TAFA1: variants seen among roughly 807,000 people sequenced by gnomAD.
The protein encoded by TAFA1 is TAFA chemokine like family member 1.
TAFA1 carries 4 observed loss-of-function variants against 18.5 expected under a neutral mutation model. The observed-to-expected ratio is 0.22, with a 90% CI of 0.11 to 0.49. The LOEUF is 0.49. Among genes scored for constraint, TAFA1 ranks in the 20% least tolerant of loss-of-function variants. The pLI is 0.98. For missense variants in TAFA1, 147 were observed against 169.0 expected (o/e 0.87, Z 0.72); for synonymous variants, 56 against 55.2 (o/e 1.01, Z -0.06).
chr3:68,236,028 C>G (rs959059413), intron 2 of TAFA1, among the ~76,000 whole-genome samples: 1 of 152,100 alleles, frequency 6.6e-6, no homozygotes, highest in African/African-American at 2.4e-5. Flanking sequence ...GCATCTGCAA[C>G]TGGAAGTCGC....
At chr3:68,194,595 A>G (rs1575672482) in intron 2 of TAFA1, among the ~76,000 whole-genome samples, 1 of 151,800 alleles carries the variant, frequency 6.6e-6, no homozygotes, top group African/African-American at 2.4e-5. Context: ...CAGGGAGTAC[A>G]TAATATCTAT....
intron 2 of TAFA1, among the ~76,000 whole-genome samples, chr3:68,337,205 C>T (rs1254849588): frequency 1.3e-5 from 2 of 152,164 alleles, no homozygotes; most frequent in Non-Finnish European, 1.5e-5. Flanking sequence ...GGAAACATGG[C>T]TGGGGTGCCC....
intron 2 of TAFA1, among the ~76,000 whole-genome samples, chr3:68,120,175 TTC>T (rs372776718): frequency 0.036 from 599 of 16,866 alleles, 2 homozygotes; most frequent in Non-Finnish European, 0.065. Context: ...TTCTTTCTCT[TTC>T]TTTCTTTCTT....
rs868757945 is a variant in TAFA1 at position 68,470,816 on chromosome 3, G to C, written c.259+53396G>C. On this transcript the variant is annotated intron_variant, in intron 3 of 4. Transcript: ENST00000478136. ...AATAGAAAAGCCCACTTTCTGAGGA[G>C]AAATTCAAGATGGCTGTGGAAATTT... is the stretch of plus-strand genomic sequence containing the variant. 5.3e-5 allele frequency among the ~76,000 whole-genome samples: 8 copies of C among 152,324 alleles called. No homozygotes were observed. The South Asian group carries it at 1.7e-3, about 32-fold the overall frequency.
chr3:68,225,335 T>A (rs1282517826), intron 2 of TAFA1, among the ~76,000 whole-genome samples: 1 of 152,194 alleles, frequency 6.6e-6, no homozygotes, highest in Admixed American at 6.5e-5. Context: ...TAATCGGAAC[T>A]TGTGCCCATT....
chr3:68,183,104 G>C (rs1047408888), intron 2 of TAFA1, among the ~76,000 whole-genome samples: 3 of 152,130 alleles, frequency 2.0e-5, no homozygotes, highest in Non-Finnish European at 2.9e-5. Flanking sequence ...TCAATCAATA[G>C]TATACCTGCC....
chr3:68,310,220 C>T (rs1372364736), intron 2 of TAFA1, among the ~76,000 whole-genome samples: 2 of 152,002 alleles, frequency 1.3e-5, no homozygotes, highest in East Asian at 3.9e-4. Context: ...TACCAATAAC[C>T]AAACCATAGA....
At chr3:68,455,922 A>T (rs1176775747) in intron 3 of TAFA1, among the ~76,000 whole-genome samples, 1 of 152,110 alleles carries the variant, frequency 6.6e-6, no homozygotes, top group Non-Finnish European at 1.5e-5. Flanking sequence ...ACGCTTAAGG[A>T]GCCTTTTAAA....
chr3:68,480,993 T>C (rs1222419936), intron 3 of TAFA1, among the ~76,000 whole-genome samples: 1 of 152,114 alleles, frequency 6.6e-6, no homozygotes, highest in East Asian at 1.9e-4. Flanking sequence ...TCATGTAAGA[T>C]GTGACTTGCT....
At chr3:68,008,524 A>G (rs140918316) in intron 2 of TAFA1, among the ~76,000 whole-genome samples, 8 of 152,238 alleles carry the variant, frequency 5.3e-5, no homozygotes, top group South Asian at 2.1e-4. Flanking sequence ...CGCCCAGGAA[A>G]CAGAAGCTCT....
intron 2 of TAFA1, among the ~76,000 whole-genome samples, chr3:68,042,764 T>C (rs1705192695): frequency 1.3e-5 from 2 of 152,234 alleles, no homozygotes; most frequent in South Asian, 4.1e-4. Flanking sequence ...ATGGTAGTAT[T>C]TTTGCTACTG....
intron 2 of TAFA1, among the ~76,000 whole-genome samples, chr3:68,113,897 G>GTT (rs35158174): frequency 3.9e-3 from 70 of 18,074 alleles, no homozygotes; most frequent in East Asian, 5.3e-3. Context: ...AGTTTTTTTT[G>GTT]TTTTTTTTTT....
At chr3:68,237,506 C>G (rs1268876087) in intron 2 of TAFA1, among the ~76,000 whole-genome samples, 1 of 152,148 alleles carries the variant, frequency 6.6e-6, no homozygotes, top group Non-Finnish European at 1.5e-5. Context: ...ATGCTACGCA[C>G]ACATCAGGTA....
intron 2 of TAFA1, among the ~76,000 whole-genome samples, chr3:68,325,686 A>G (rs2068765504): frequency 6.6e-6 from 1 of 152,188 alleles, no homozygotes; most frequent in Admixed American, 6.5e-5. Flanking sequence ...TAGGAGCTGA[A>G]ATGACTGTGG....
chr3:68,521,273 G>A (rs575698784), intron 3 of TAFA1, among the ~76,000 whole-genome samples: 19 of 152,124 alleles, frequency 1.2e-4, no homozygotes, highest in African/African-American at 2.7e-4. Flanking sequence ...GACCAGAATC[G>A]TATCATATGC....
intron 2 of TAFA1, among the ~76,000 whole-genome samples, chr3:68,383,469 G>A (rs2070024239): frequency 6.6e-6 from 1 of 151,882 alleles, no homozygotes; most frequent in South Asian, 2.1e-4. Context: ...TTTTGTTTAT[G>A]CGATGAATCA....
intron 2 of TAFA1, among the ~76,000 whole-genome samples, chr3:68,307,730 C>T (rs1025931112): frequency 3.3e-5 from 5 of 152,108 alleles, no homozygotes; most frequent in East Asian, 1.9e-4. Flanking sequence ...CTTGATTTAG[C>T]ATATTAGTTT....
At chr3:68,160,643 T>G (rs1394532361) in intron 2 of TAFA1, among the ~76,000 whole-genome samples, 2 of 152,226 alleles carry the variant, frequency 1.3e-5, no homozygotes, top group Non-Finnish European at 2.9e-5. Flanking sequence ...TAATAGCACC[T>G]AGCACTTAAT....
intron 2 of TAFA1, among the ~76,000 whole-genome samples, chr3:68,231,144 C>A (rs2066866044): frequency 6.6e-6 from 1 of 152,016 alleles, no homozygotes; most frequent in Admixed American, 6.5e-5. Context: ...AAGGTCCATC[C>A]TTTCCACCAA....
Sources: gnomAD v4.1 joint callset for allele counts (sites outside exome capture counted in the v4.1 genomes callset) on GRCh38, gnomAD v4.1.1 for gene constraint, MANE v1.5 for transcripts, NCBI Gene and HGNC (gene_info 2026-07-23, HGNC 2026-07-21) for gene names.